The following ERCC3 variants were observed in gnomAD, a reference collection of about 807,000 sequenced individuals.
ERCC3 encodes the protein ERCC excision repair 3, TFIIH core complex helicase subunit, also known as general transcription and DNA repair factor IIH helicase/translocase subunit XPB.
A neutral mutation model predicts 94.2 loss-of-function variants in ERCC3; 66 were observed. The ratio of observed to expected loss-of-function variants is 0.70; its 90% CI spans 0.57 to 0.86. The LOEUF (loss-of-function observed/expected upper bound fraction) is 0.86, where lower values mean the gene tolerates loss of function less well. Among genes scored for constraint, ERCC3 ranks in the 40% least tolerant of loss-of-function variants. The probability of loss-of-function intolerance (pLI) is 0.00; values close to 1 mark genes in which losing one functional copy is unlikely to be tolerated. For missense variants in ERCC3, 829 were observed against 987.1 expected (o/e 0.84, Z 2.15); for synonymous variants, 349 against 369.1 (o/e 0.95, Z 0.63).
Position 127,289,525 on chromosome 2 carries a change from C to A in ERCC3, c.658-24G>T, listed in dbSNP as rs4150413. 5.6e-6 allele frequency: 9 copies of A among 1,611,890 alleles called. No homozygotes were observed. In the Admixed American group the frequency reaches 1.5e-4, roughly 27 times the overall value. ...ATCTGTGAGAGAGGTAGGTGCTGAA[C>A]GTGCACACAACATTTAATTCTGCTG... On this transcript the variant is annotated intron_variant, in intron 5 of 14. Coordinates refer to ENST00000285398, the MANE Select transcript of ERCC3 (RefSeq NM_000122.2).
At position 127,274,703 on chromosome 2, in the gene ERCC3, A is replaced by C. The variant is rs535555975; in HGVS notation, c.1731-1742T>G. Among the ~76,000 whole-genome samples the C allele has an allele frequency of 6.6e-6, 1 of 152,050 alleles. No homozygotes were observed. The highest frequency in any genetic ancestry group is 6.5e-5 in the Admixed American group (1 of 15,274). The stretch of plus-strand genomic sequence containing the variant: ...TGCAGTGAAAAAGGTTAGAAGCCCC[A>C]CTCGTCAGAACAGCCTGACTCTTGA... On this transcript the variant is annotated intron_variant, in intron 10 of 14. Transcript: ENST00000285398. This position sits in a 1 kb window ranked among gnomAD's most constrained non-coding sequence, Gnocchi z 4.0.
At chr2:127,287,758 G>C (rs931356754) in intron 7 of ERCC3, among the ~76,000 whole-genome samples, 1 of 152,170 alleles carries the variant, frequency 6.6e-6, no homozygotes, top group African/African-American at 2.4e-5. Context: ...CTCGGCAAAA[G>C]ACCACTATTA....
At chr2:127,287,091 C>G (rs1373636806) in intron 7 of ERCC3, 74 bp from the exon 8 acceptor site, 3 of 1,144,380 alleles carry the variant, frequency 2.6e-6, no homozygotes, top group Non-Finnish European at 3.9e-6. Flanking sequence ...GAATGACTCA[C>G]AAGTACAGCA....
At chr2:127,283,190 C>T (rs1053096416) in intron 8 of ERCC3, among the ~76,000 whole-genome samples, 1 of 151,974 alleles carries the variant, frequency 6.6e-6, no homozygotes, top group African/African-American at 2.4e-5. Context: ...TTTTTGTAAC[C>T]AGCACCACAA....
chr2:127,257,688 C>A lies in ERCC3; in HGVS notation c.2257G>T (p.Ala753Ser), dbSNP rs1684059275. The A allele has an allele frequency of 6.8e-6, 11 of 1,614,142 alleles. No homozygotes were observed. Among genetic ancestry groups the A allele is most frequent in the Non-Finnish European group, 8.5e-6 (10 of 1,180,016 alleles). Residue 753 changes from alanine (A) to serine (S), a missense_variant, in exon 15 of 15, where the codon GCC becomes TCC. Ala to Ser is a moderately conservative substitution (Grantham distance 99). Coordinates refer to ENST00000285398, the MANE Select transcript of ERCC3 (RefSeq NM_000122.2). The surrounding 1 kb of genome is among the most constrained non-coding windows in gnomAD (Gnocchi z 5.4). ...TACTCCATGTACACAGTGTCGTCGG[C>A]CCCAGACATAGAACTCATGGTGCCA... ...RFGTMSSMSG[A>S]DDTVYMEYHS... is the part of the protein sequence containing the mutation.
At chr2:127,292,459 T>C (rs1332935094) in intron 3 of ERCC3, 151 bp downstream of exon 3, 5 of 755,504 alleles carry the variant, frequency 6.6e-6, no homozygotes, top group Non-Finnish European at 1.2e-5. Context: ...GGATCCAGAG[T>C]GTAGCGGCTG....
chr2:127,283,465 C>A (rs1305032478), intron 8 of ERCC3, among the ~76,000 whole-genome samples: 2 of 152,214 alleles, frequency 1.3e-5, no homozygotes, highest in Non-Finnish European at 2.9e-5. Context: ...TATGGATGTA[C>A]CACAGCTTGT....
Position 127,292,732 on chromosome 2 carries a change from T to G in ERCC3, c.349A>C (p.Lys117Gln). Residue 117 changes from lysine to glutamine, a missense_variant, in exon 3 of 15, where the codon AAA (lysine) becomes CAA (glutamine). Transcript: ENST00000285398. ...VCRPTHVHEY[K>Q]LTAYSLYAAV... The stretch of plus-strand genomic sequence containing the variant: ...GCATACAAGGAGTAGGCAGTTAGTT[T>G]GTACTCATGCACATGGGTTGGTCGG... The G allele has an allele frequency of 6.2e-7, 1 of 1,614,128 alleles. No homozygotes were observed. The highest frequency in any genetic ancestry group is 8.5e-7 in the Non-Finnish European group (1 of 1,180,020).
Position 127,271,216 on chromosome 2 carries a change from T to C in ERCC3, c.1945+120A>G, listed in dbSNP as rs4150499. The C allele has an allele frequency of 0.75, 586,645 of 783,076 alleles. 222,065 individuals carry two copies. Among genetic ancestry groups the C allele is most frequent in the East Asian group, 1 (41,085 of 41,152 alleles). 48.5% of individuals were successfully genotyped at this position (783,076 alleles called of 1,614,324 possible). A position where few individuals can be genotyped will look rare whatever the true frequency, so the allele number is the denominator to read the frequency against. On this transcript the variant is annotated intron_variant, in intron 12 of 14. Transcript: ENST00000285398. This position sits in a 1 kb window ranked among gnomAD's most constrained non-coding sequence, Gnocchi z 5.0. ...GATCTAGGTCTTTGCTTTGGGATTC[T>C]CTCCCTCCAGAGTCTATTTAGCCCC...
intron 12 of ERCC3, among the ~76,000 whole-genome samples, chr2:127,266,616 C>T (rs1573934252): frequency 6.6e-6 from 1 of 151,794 alleles, no homozygotes. Flanking sequence ...GGATTATCGG[C>T]GTAAGCCACC....
At chr2:127,286,250 A>G (rs561324198) in intron 8 of ERCC3, among the ~76,000 whole-genome samples, 3 of 152,288 alleles carry the variant, frequency 2.0e-5, no homozygotes, top group African/African-American at 7.2e-5. Flanking sequence ...TCCTGCCTGC[A>G]TCCCACTTAA....
chr2:127,284,884 A>G lies in ERCC3; in HGVS notation c.1342+1819T>C, dbSNP rs1348415109. Among the ~76,000 whole-genome samples, 3 of 152,054 alleles carry G rather than the reference A, an allele frequency of 2.0e-5. No homozygotes were observed. The highest frequency in any genetic ancestry group is 4.4e-5 in the Non-Finnish European group (3 of 68,012). On this transcript the variant is annotated intron_variant, in intron 8 of 14. Transcript: ENST00000285398. This position sits in a 1 kb window ranked among gnomAD's most constrained non-coding sequence, Gnocchi z 4.1. ...ATTTTTTTTTGTAGAGACATGTCTC[A>G]CTATGTTACCCAGGCTAATCTTAAG... is the stretch of plus-strand genomic sequence containing the variant.
rs985241164 is a variant in ERCC3 at position 127,271,879 on chromosome 2, C to T, written c.1828-426G>A. ...GGATGTGACCTGGGAGGAACAACTG[C>T]CCCATATGGAATTCTGACTGTAGGT... On this transcript the variant is annotated intron_variant, in intron 11 of 14. Coordinates refer to ENST00000285398, the MANE Select transcript of ERCC3 (RefSeq NM_000122.2). This position sits in a 1 kb window ranked among gnomAD's most constrained non-coding sequence, Gnocchi z 5.0. 2.0e-5 allele frequency among the ~76,000 whole-genome samples: 3 copies of T among 152,114 alleles called. No individual in the cohort carries two copies. The highest frequency in any genetic ancestry group is 7.2e-5 in the African/African-American group (3 of 41,426).
chr2:127,260,964 T>TC, intron 13 of ERCC3: 1 of 481,666 alleles, frequency 2.1e-6, no homozygotes, highest in Non-Finnish European at 3.8e-6. Flanking sequence ...TAGAGAGGCA[T>TC]CCCTGAGAAA....
rs149822914 is a variant in ERCC3, at chr2:127,275,129, G to A, written c.1731-2168C>T. 2.3e-3 allele frequency among the ~76,000 whole-genome samples: 354 copies of A among 152,326 alleles called. 1 individual carries two copies. Among genetic ancestry groups the A allele is most frequent in the African/African-American group, 7.7e-3 (321 of 41,574 alleles). On this transcript the variant is annotated intron_variant, in intron 10 of 14. Coordinates refer to ENST00000285398, the MANE Select transcript of ERCC3 (RefSeq NM_000122.2). ...AATGCCTTTCTTATGAAGGCTGGGA[G>A]GAGCCAAAAGCTTGGAGAATCCCCA...
chr2:127,288,944 T>A, intron 6 of ERCC3, 80 bp from the exon 7 acceptor site: 1 of 1,139,976 alleles, frequency 8.8e-7, no homozygotes, highest in Non-Finnish European at 1.3e-6. Context: ...GGTCCAATGG[T>A]CAAAAAAGTG....
At position 127,274,034 on chromosome 2, in the gene ERCC3, C is replaced by T. The variant is rs1436643794; in HGVS notation, c.1731-1073G>A. Among the ~76,000 whole-genome samples the T allele has an allele frequency of 6.6e-6, 1 of 151,808 alleles. No homozygotes were observed. The highest frequency in any genetic ancestry group is 2.4e-5 in the African/African-American group (1 of 41,326). On this transcript the variant is annotated intron_variant, in intron 10 of 14. Transcript: ENST00000285398. This position sits in a 1 kb window ranked among gnomAD's most constrained non-coding sequence, Gnocchi z 4.0. ...TTACATTAAAAAAAAAAAAATCCAG[C>T]CAGGCGCGGTGGCTCACACCTGTAA... is the stretch of plus-strand genomic sequence containing the variant.
Position 127,286,556 on chromosome 2 carries a change from A to C in ERCC3, c.1342+147T>G, listed in dbSNP as rs1170778333. On this transcript the variant is annotated intron_variant, in intron 8 of 14. Transcript: ENST00000285398. ...GTGAGACTCCCTCTCAAAAAAAAAA[A>C]AAAGAACTATTAAAAGCTTTACCCA... The C allele has an allele frequency of 4.0e-6, 3 of 752,520 alleles. No individual in the cohort carries two copies. In the Admixed American group the frequency reaches 7.0e-5, roughly 18 times the overall value. The allele number at this position is 752,520 out of a possible 1,614,324, so 46.6% of individuals were successfully genotyped here. A position where few individuals can be genotyped will look rare whatever the true frequency, so the allele number is the denominator to read the frequency against.
intron 4 of ERCC3, 27 bp from the exon 5 acceptor site, chr2:127,289,851 C>A (rs1044078234): frequency 1.9e-6 from 3 of 1,613,866 alleles, no homozygotes; most frequent in Non-Finnish European, 2.5e-6. Context: ...AAGAAGGGGT[C>A]TACTGACCAG....
Sources: allele counts gnomAD v4.1 joint callset (sites outside exome capture counted in the v4.1 genomes callset), GRCh38; gene constraint gnomAD v4.1.1; non-coding constraint Gnocchi (gnomAD v3.1); transcripts MANE v1.5; gene names NCBI Gene and HGNC (gene_info 2026-07-23, HGNC 2026-07-21).